Variants in DPP10 observed in about 807,000 individuals in gnomAD.
DPP10 encodes the protein inactive dipeptidyl peptidase 10.
Under a neutral mutation model 120.9 loss-of-function variants are expected in DPP10, and 33 were observed. The observed-to-expected ratio is 0.27, with a 90% CI of 0.21 to 0.37. DPP10 has a LOEUF of 0.37. Ranked by LOEUF, DPP10 falls within the 10% of genes least tolerant of loss-of-function variation. DPP10 has a pLI of 1.00. For synonymous variants in DPP10, 337 were observed against 326.1 expected (o/e 1.03, Z -0.36); for missense variants, 816 against 942.8 (o/e 0.87, Z 1.76).
intron 3 of DPP10, among the ~76,000 whole-genome samples, chr2:115,427,123 C>T (rs1166897048): frequency 6.6e-6 from 1 of 152,170 alleles, no homozygotes; most frequent in Non-Finnish European, 1.5e-5. Context: ...CACACAGCTG[C>T]AAGGGGTGGG....
At chr2:114,961,305 C>T (rs1477852452) in intron 1 of DPP10, among the ~76,000 whole-genome samples, 1 of 152,008 alleles carries the variant, frequency 6.6e-6, no homozygotes, top group African/African-American at 2.4e-5. Flanking sequence ...CTGCCCACCT[C>T]GGCCTCTCAA....
At chr2:114,941,606 A>G (rs1233536819) in intron 1 of DPP10, among the ~76,000 whole-genome samples, 1 of 152,218 alleles carries the variant, frequency 6.6e-6, no homozygotes, top group Non-Finnish European at 1.5e-5. Flanking sequence ...ATATGCAGGA[A>G]TAATATAGTT....
intron 5 of DPP10, among the ~76,000 whole-genome samples, chr2:115,688,517 A>G (rs1015528249): frequency 6.6e-6 from 1 of 152,214 alleles, no homozygotes; most frequent in African/African-American, 2.4e-5. Flanking sequence ...GAAAGTATCA[A>G]TAAAATTTCT....
intron 1 of DPP10, among the ~76,000 whole-genome samples, chr2:114,976,213 A>G (rs1699747519): frequency 6.6e-6 from 1 of 151,782 alleles, no homozygotes; most frequent in Non-Finnish European, 1.5e-5. Context: ...TGTGAAATAC[A>G]TGATTAGAAC....
At chr2:114,956,959 T>A (rs1242015438) in intron 1 of DPP10, among the ~76,000 whole-genome samples, 3 of 134,080 alleles carry the variant, frequency 2.2e-5, no homozygotes, top group Non-Finnish European at 4.8e-5. Flanking sequence ...AAGACTTACA[T>A]GTAAGACCTA....
At chr2:114,920,844 T>C (rs1041746104) in intron 1 of DPP10, among the ~76,000 whole-genome samples, 11 of 152,148 alleles carry the variant, frequency 7.2e-5, no homozygotes, top group Non-Finnish European at 1.5e-4. Context: ...CCTTAAACTG[T>C]GGTTTGGGTA....
chr2:115,815,585 T>C, intron 20 of DPP10, 90 bp from the exon 21 acceptor site: 1 of 1,101,500 alleles, frequency 9.1e-7, no homozygotes, highest in Non-Finnish European at 1.3e-6. Flanking sequence ...AGTCATTAGC[T>C]ATTGTTTTGT....
chr2:115,562,676 G>A (rs1033793953), intron 5 of DPP10, among the ~76,000 whole-genome samples: 4 of 152,006 alleles, frequency 2.6e-5, no homozygotes, highest in African/African-American at 9.7e-5. Flanking sequence ...TCAAATCTGG[G>A]TTTTATTCAG....
intron 1 of DPP10, among the ~76,000 whole-genome samples, chr2:114,626,019 T>C (rs1167660408): frequency 6.6e-6 from 1 of 151,562 alleles, no homozygotes; most frequent in Non-Finnish European, 1.5e-5. Flanking sequence ...AAATAAAATA[T>C]ATTATAAATT....
intron 1 of DPP10, among the ~76,000 whole-genome samples, chr2:115,018,665 A>T (rs1196221545): frequency 6.6e-6 from 1 of 152,076 alleles, no homozygotes; most frequent in Non-Finnish European, 1.5e-5. Context: ...GAACAACAAG[A>T]ACACACGGAC....
intron 1 of DPP10, among the ~76,000 whole-genome samples, chr2:114,569,683 A>T (rs565198111): frequency 6.6e-6 from 1 of 152,274 alleles, no homozygotes; most frequent in South Asian, 2.1e-4. Context: ...CTGCGTAATG[A>T]GGAAGAGAAA....
chr2:115,465,776 C>T (rs951054492), intron 3 of DPP10, among the ~76,000 whole-genome samples: 4 of 152,034 alleles, frequency 2.6e-5, no homozygotes, highest in African/African-American at 9.7e-5. Flanking sequence ...GAGCCAAGAT[C>T]GTGCCACTGC....
chr2:114,680,631 G>C (rs1698967753), intron 1 of DPP10, among the ~76,000 whole-genome samples: 1 of 151,976 alleles, frequency 6.6e-6, no homozygotes, highest in South Asian at 2.1e-4. Flanking sequence ...CGAATATAGT[G>C]AAATAATTCT....
chr2:114,738,162 C>T (rs1002286109), intron 1 of DPP10, among the ~76,000 whole-genome samples: 16 of 152,154 alleles, frequency 1.1e-4, no homozygotes, highest in African/African-American at 3.4e-4. Flanking sequence ...GAAGTCTGCT[C>T]CTGTGATTCA....
chr2:115,598,512 A>T (rs1330645424), intron 5 of DPP10, among the ~76,000 whole-genome samples: 2 of 152,004 alleles, frequency 1.3e-5, no homozygotes, highest in African/African-American at 4.8e-5. Context: ...TGAACAATAT[A>T]TAACAGTATA....
chr2:115,054,867 A>C (rs956634001), intron 1 of DPP10, among the ~76,000 whole-genome samples: 1 of 152,150 alleles, frequency 6.6e-6, no homozygotes, highest in Non-Finnish European at 1.5e-5. Context: ...AGCCAAGATC[A>C]CACCACTGCA....
chr2:114,815,105 C>T (rs1685515830), intron 1 of DPP10, among the ~76,000 whole-genome samples: 1 of 152,200 alleles, frequency 6.6e-6, no homozygotes, highest in Non-Finnish European at 1.5e-5. Flanking sequence ...ATCTCACTTT[C>T]CCCACCTGGG....
chr2:115,840,870 A>G lies in DPP10; in HGVS notation c.2256+47A>G, dbSNP rs764269307. ...ACGTGTTTTCCTGCTGTGTTTTTTC[A>G]CTTGTGAGATACGCAACACAGCTTC... is the stretch of plus-strand genomic sequence containing the variant. On this transcript the variant is annotated intron_variant, in intron 25 of 25. Coordinates refer to ENST00000410059, the MANE Select transcript of DPP10 (RefSeq NM_020868.6). The G allele has an allele frequency of 1.1e-5, 16 of 1,518,262 alleles. No individual in the cohort carries two copies. The East Asian group carries it at 2.3e-4, about 22-fold the overall frequency. The allele number at this position is 1,518,262 out of a possible 1,614,324, so 94.0% of individuals were successfully genotyped here.
intron 1 of DPP10, among the ~76,000 whole-genome samples, chr2:114,549,293 T>G (rs1435755052): frequency 6.6e-6 from 1 of 151,924 alleles, no homozygotes; most frequent in Non-Finnish European, 1.5e-5. Flanking sequence ...CTCAACCCCG[T>G]CTCCAGGTAC....
Sources: gnomAD v4.1 joint callset for allele counts (sites outside exome capture counted in the v4.1 genomes callset) on GRCh38, gnomAD v4.1.1 for gene constraint, MANE v1.5 for transcripts, NCBI Gene and HGNC (gene_info 2026-07-23, HGNC 2026-07-21) for gene names.